GRIP1: variants seen among roughly 807,000 people sequenced by gnomAD.
The protein encoded by GRIP1 is glutamate receptor-interacting protein 1.
In GRIP1, 45 loss-of-function variants were observed where a neutral mutation model predicts 129.9. That is an observed-to-expected ratio of 0.35 (90% CI 0.27 to 0.44). GRIP1 has a LOEUF of 0.44. Ranked by LOEUF, GRIP1 falls within the 20% of genes least tolerant of loss-of-function variation. The pLI is 1.00. For synonymous variants in GRIP1, 530 were observed against 520.8 expected (o/e 1.02, Z -0.24); for missense variants, 1,196 against 1,396.8 (o/e 0.86, Z 2.29).
chr12:66,916,713 AG>A (rs1469726632), intron 1 of GRIP1, among the ~76,000 whole-genome samples: 6 of 152,286 alleles, frequency 3.9e-5, no homozygotes, highest in African/African-American at 1.4e-4. Flanking sequence ...AAAATATTAA[AG>A]GAGGCACAAT....
chr12:66,679,016 A>C lies in GRIP1; in HGVS notation c.-112T>G. The C allele has an allele frequency of 1.3e-6, 2 of 1,577,564 alleles. No individual in the cohort carries two copies. Among genetic ancestry groups the C allele is most frequent in the South Asian group, 1.1e-5 (1 of 87,280 alleles). Reference sequence around the variant, plus strand: ...CACATACCAGGAGAAAGGTAGTCCCAGTGGGGAGTGACAAAGCTTAATTCC... The same window carrying C: ...CACATACCAGGAGAAAGGTAGTCCCCGTGGGGAGTGACAAAGCTTAATTCC... On this transcript the variant is annotated 5_prime_UTR_variant, in exon 1 of 25. Coordinates refer to ENST00000359742, the MANE Select transcript of GRIP1 (RefSeq NM_001366722.1).
intron 1 of GRIP1, among the ~76,000 whole-genome samples, chr12:66,789,901 C>T (rs2038475316): frequency 6.6e-6 from 1 of 151,982 alleles, no homozygotes; most frequent in Non-Finnish European, 1.5e-5. Context: ...AAGTTTCTAT[C>T]TTATAAAAAG....
At chr12:66,571,768 G>T (rs778639953) in intron 2 of GRIP1, among the ~76,000 whole-genome samples, 21 of 152,186 alleles carry the variant, frequency 1.4e-4, no homozygotes, top group Non-Finnish European at 1.8e-4. Flanking sequence ...TGAATTAACA[G>T]AGATGCTTCA....
chr12:66,554,549 T>C (rs2062253927), intron 2 of GRIP1, among the ~76,000 whole-genome samples: 1 of 152,102 alleles, frequency 6.6e-6, no homozygotes, highest in African/African-American at 2.4e-5. Context: ...GCAACTTAGG[T>C]ACCAGTTTGG....
intron 1 of GRIP1, among the ~76,000 whole-genome samples, chr12:66,992,889 G>C (rs563565145): frequency 6.6e-5 from 10 of 152,298 alleles, no homozygotes; most frequent in African/African-American, 2.2e-4. Flanking sequence ...AAGGCAGGCA[G>C]GCTGCTTCAG....
At chr12:66,478,699 T>TA (rs201909179) in intron 7 of GRIP1, among the ~76,000 whole-genome samples, 6 of 151,578 alleles carry the variant, frequency 4.0e-5, no homozygotes, top group African/African-American at 1.5e-4. Flanking sequence ...TATGCAGCCA[T>TA]AAAAAAAAGA....
intron 1 of GRIP1, among the ~76,000 whole-genome samples, chr12:66,994,987 GGATA>G (rs1358512067): frequency 6.6e-6 from 1 of 151,920 alleles, no homozygotes; most frequent in Non-Finnish European, 1.5e-5. Flanking sequence ...GCTGACATAA[GGATA>G]GATATGTAGA....
At chr12:66,349,846 T>C (rs2054141326) in intron 24 of GRIP1, among the ~76,000 whole-genome samples, 1 of 151,760 alleles carries the variant, frequency 6.6e-6, no homozygotes, top group African/African-American at 2.4e-5. Context: ...AAAAATGAGC[T>C]TATCCCCTCT....
intron 1 of GRIP1, among the ~76,000 whole-genome samples, chr12:66,841,851 T>C (rs2039723531): frequency 6.6e-6 from 1 of 152,216 alleles, no homozygotes; most frequent in Non-Finnish European, 1.5e-5. Context: ...TTGCCTATTC[T>C]GTAAATCACA....
rs1555255819 is a variant in GRIP1 at position 66,965,596 on chromosome 12, T to TGA, written c.58+103452_58+103453dup. On this transcript the variant is annotated intron_variant, in intron 1 of 1. Transcript: ENST00000643019. ...GTGTGTGTGTGTGTGTGTGTGTGTG[T>TGA]GAGATATTATTACTAAAATGGGACT... Among the ~76,000 whole-genome samples the TGA allele has an allele frequency of 2.1e-3, 313 of 146,848 alleles. 3 individuals carry two copies. Among genetic ancestry groups the TGA allele is most frequent in the African/African-American group, 6.8e-3 (266 of 39,388 alleles).
intron 7 of GRIP1, among the ~76,000 whole-genome samples, chr12:66,481,368 TAG>T (rs2059800922): frequency 6.6e-6 from 1 of 152,084 alleles, no homozygotes; most frequent in Non-Finnish European, 1.5e-5. Context: ...CACTGGTCAT[TAG>T]AGAAATGCAA....
At chr12:66,555,701 A>G (rs2062305189) in intron 2 of GRIP1, among the ~76,000 whole-genome samples, 1 of 152,194 alleles carries the variant, frequency 6.6e-6, no homozygotes, top group South Asian at 2.1e-4. Context: ...ATCCTATCAG[A>G]TAAATTTAAC....
intron 1 of GRIP1, among the ~76,000 whole-genome samples, chr12:67,046,539 C>G (rs1028396633): frequency 6.6e-5 from 10 of 152,152 alleles, no homozygotes; most frequent in Admixed American, 2.6e-4. Flanking sequence ...ATAATAACCT[C>G]TGATATAATC....
chr12:66,735,532 G>A (rs2136522321), intron 1 of GRIP1, among the ~76,000 whole-genome samples: 1 of 152,204 alleles, frequency 6.6e-6, no homozygotes, highest in South Asian at 2.1e-4. Flanking sequence ...ACTGCCTGGA[G>A]TCATTCTAAG....
At chr12:66,762,221 T>C (rs2136675000) in intron 1 of GRIP1, among the ~76,000 whole-genome samples, 1 of 152,310 alleles carries the variant, frequency 6.6e-6, no homozygotes, top group South Asian at 2.1e-4. Context: ...CAGTATGAAC[T>C]TTCCTCAATA....
chr12:66,964,866 T>C (rs1044209466), intron 1 of GRIP1, among the ~76,000 whole-genome samples: 3 of 152,116 alleles, frequency 2.0e-5, no homozygotes, highest in Non-Finnish European at 4.4e-5. Flanking sequence ...TTTCTTGGTG[T>C]GCAGATGAAT....
At position 66,539,166 on chromosome 12, in the gene GRIP1, G is replaced by C. The variant is rs916389478; in HGVS notation, c.330C>G (p.Ala110=). 1.9e-6 allele frequency: 3 copies of C among 1,613,840 alleles called. No homozygotes were observed. The African/African-American group carries it at 4.0e-5, about 22-fold the overall frequency. The change falls in exon 4 of 25, where the codon GCC becomes GCG. Residue 110 remains alanine, a synonymous_variant. Transcript: ENST00000359742. ...YIKAVNGINL[A]KFRHDEIISL... ...TGATGATCTCGTCATGGCGGAATTTGGCCAGGTTGATTCCATTCACTGCTT... is the reference window on the plus strand; with the variant it reads ...TGATGATCTCGTCATGGCGGAATTTCGCCAGGTTGATTCCATTCACTGCTT...
chr12:67,069,192 C>A, upstream of GRIP1: 1 of 821,194 alleles, frequency 1.2e-6, no homozygotes, highest in Non-Finnish European at 1.5e-6. Flanking sequence ...CCTCGCTCGT[C>A]CTCTAGGGCA....
At chr12:66,762,220 C>T (rs940257646) in intron 1 of GRIP1, among the ~76,000 whole-genome samples, 3 of 152,134 alleles carry the variant, frequency 2.0e-5, no homozygotes, top group Non-Finnish European at 4.4e-5. Flanking sequence ...TCAGTATGAA[C>T]TTTCCTCAAT....
Sources: allele counts gnomAD v4.1 joint callset (sites outside exome capture counted in the v4.1 genomes callset), GRCh38; gene constraint gnomAD v4.1.1; transcripts MANE v1.5; gene names NCBI Gene and HGNC (gene_info 2026-07-23, HGNC 2026-07-21).